LRRC4C: variants seen among roughly 807,000 people sequenced by gnomAD.
LRRC4C encodes the protein leucine-rich repeat-containing protein 4C.
Under a neutral mutation model 33.6 loss-of-function variants are expected in LRRC4C, and 5 were observed. That is an observed-to-expected ratio of 0.15 (90% CI 0.08 to 0.31). LRRC4C has a LOEUF of 0.31. LRRC4C is among the 10% of genes least tolerant of loss of function. The pLI is 1.00. For synonymous variants in LRRC4C, 329 were observed against 302.0 expected (o/e 1.09, Z -0.93); for missense variants, 560 against 796.7 (o/e 0.70, Z 3.58).
chr11:40,338,472 C>T (rs1357930329), intron 3 of LRRC4C, among the ~76,000 whole-genome samples: 1 of 152,138 alleles, frequency 6.6e-6, no homozygotes, highest in Non-Finnish European at 1.5e-5. Context: ...GACTAAAGTT[C>T]TGTTGAATAC....
At chr11:40,586,405 T>G (rs908012933) in intron 3 of LRRC4C, among the ~76,000 whole-genome samples, 2 of 147,574 alleles carry the variant, frequency 1.4e-5, no homozygotes, top group Non-Finnish European at 3.0e-5. Context: ...TTGTGAAAAT[T>G]TTCTCCCATT....
At chr11:40,292,252 G>A (rs1477919249) in intron 4 of LRRC4C, 1 of 152,032 alleles carries the variant, frequency 6.6e-6, no homozygotes, top group Non-Finnish European at 1.5e-5. Context: ...AAGAACAAGA[G>A]AAAACGCATG....
chr11:40,165,362 T>C (rs1859500729), intron 5 of LRRC4C, among the ~76,000 whole-genome samples: 1 of 152,180 alleles, frequency 6.6e-6, no homozygotes, highest in African/African-American at 2.4e-5. Flanking sequence ...TGTGCATCTA[T>C]ATGAGTGGCA....
At chr11:40,288,373 T>A (rs1230262583) in intron 4 of LRRC4C, among the ~76,000 whole-genome samples, 3 of 152,210 alleles carry the variant, frequency 2.0e-5, no homozygotes, top group Admixed American at 1.3e-4. Flanking sequence ...TCACACAGAT[T>A]TCAAATTGTT....
intron 1 of LRRC4C, among the ~76,000 whole-genome samples, chr11:41,166,629 T>A: frequency 6.6e-6 from 1 of 152,188 alleles, no homozygotes; most frequent in East Asian, 1.9e-4. Flanking sequence ...CTTCTCAGAA[T>A]GAAAATCCTG....
intron 3 of LRRC4C, among the ~76,000 whole-genome samples, chr11:40,563,130 T>C (rs1037272889): frequency 1.3e-5 from 2 of 152,116 alleles, no homozygotes; most frequent in African/African-American, 4.8e-5. Flanking sequence ...CAAAGAGTGG[T>C]TTGAGAAAGT....
At chr11:40,436,995 C>T (rs1035912718) in intron 3 of LRRC4C, among the ~76,000 whole-genome samples, 2 of 152,142 alleles carry the variant, frequency 1.3e-5, no homozygotes, top group African/African-American at 2.4e-5. Context: ...TCCACTTTCG[C>T]TCTGGAGCAG....
At chr11:40,385,863 CAAAT>C (rs60952313) in intron 3 of LRRC4C, among the ~76,000 whole-genome samples, 18 of 138,138 alleles carry the variant, frequency 1.3e-4, no homozygotes, top group African/African-American at 3.5e-4. Context: ...GAGACTCTGT[CAAAT>C]AAATAAATAA....
intron 4 of LRRC4C, among the ~76,000 whole-genome samples, chr11:40,260,455 G>C (rs1686359681): frequency 6.7e-6 from 1 of 149,248 alleles, no homozygotes; most frequent in African/African-American, 2.5e-5. Context: ...CCTAATGCTA[G>C]ATGACGAGTT....
chr11:40,979,877 C>A lies in LRRC4C; in HGVS notation c.-495-46154G>T, dbSNP rs573238632. 1.3e-4 allele frequency among the ~76,000 whole-genome samples: 20 copies of A among 152,140 alleles called. No individual in the cohort carries two copies. The East Asian group carries it at 3.5e-3, about 26-fold the overall frequency. Reference sequence around the variant, plus strand: ...TATCTCTGCTTTTCTTGATGTGAATCTTATAGACATATTTTATATTTATCA... The same window carrying A: ...TATCTCTGCTTTTCTTGATGTGAATATTATAGACATATTTTATATTTATCA... On this transcript the variant is annotated intron_variant, in intron 1 of 6. Transcript: ENST00000528697.
At chr11:41,138,684 G>C (rs1235415086) in intron 1 of LRRC4C, among the ~76,000 whole-genome samples, 2 of 152,120 alleles carry the variant, frequency 1.3e-5, no homozygotes, top group African/African-American at 4.8e-5. Context: ...CCAGATGTCA[G>C]CTTTTATGAT....
chr11:41,081,796 C>A (rs1020561053), intron 1 of LRRC4C, among the ~76,000 whole-genome samples: 4 of 152,140 alleles, frequency 2.6e-5, no homozygotes, highest in African/African-American at 9.7e-5. Context: ...TTATTATATT[C>A]TAAAGCTAAG....
intron 1 of LRRC4C, among the ~76,000 whole-genome samples, chr11:41,380,847 T>G (rs1953118747): frequency 6.6e-6 from 1 of 152,128 alleles, no homozygotes; most frequent in Non-Finnish European, 1.5e-5. Context: ...TCTTTCTCTC[T>G]GCAAAAGGAC....
chr11:40,499,749 G>A (rs1190556401), intron 3 of LRRC4C, among the ~76,000 whole-genome samples: 2 of 152,050 alleles, frequency 1.3e-5, no homozygotes, highest in Non-Finnish European at 2.9e-5. Context: ...TGATTTGAAG[G>A]AAAGCCAAAG....
At chr11:40,165,019 A>T (rs923442362) in intron 5 of LRRC4C, among the ~76,000 whole-genome samples, 7 of 152,214 alleles carry the variant, frequency 4.6e-5, no homozygotes, top group African/African-American at 1.7e-4. Flanking sequence ...AAATCTCAGG[A>T]TAATTATACA....
At chr11:41,076,397 A>T (rs557071641) in intron 1 of LRRC4C, among the ~76,000 whole-genome samples, 1 of 152,190 alleles carries the variant, frequency 6.6e-6, no homozygotes, top group East Asian at 1.9e-4. Context: ...ATTTACTTAC[A>T]GTTCTGCAGG....
chr11:40,901,355 C>T lies in LRRC4C; in HGVS notation c.-407+32280G>A, dbSNP rs1423348833. ...AAGGGCTAACAGTGAAATACCAGGG[C>T]CATGTAGCCTGCTTGTTGGTAAAAA... is the stretch of plus-strand genomic sequence containing the variant. On this transcript the variant is annotated intron_variant, in intron 2 of 6. Coordinates refer to ENST00000528697, the MANE Select transcript of LRRC4C (RefSeq NM_001258419.2). Among the ~76,000 whole-genome samples, 3 of 151,992 alleles carry T rather than the reference C, an allele frequency of 2.0e-5. No homozygotes were observed. The South Asian group carries it at 6.2e-4, about 32-fold the overall frequency.
intron 3 of LRRC4C, among the ~76,000 whole-genome samples, chr11:40,427,147 G>T (rs191920996): frequency 7.6e-4 from 115 of 152,106 alleles, no homozygotes; most frequent in Non-Finnish European, 1.4e-3. Flanking sequence ...GTTGGCAAGG[G>T]GCAGAGAATG....
intron 1 of LRRC4C, among the ~76,000 whole-genome samples, chr11:41,302,059 A>G (rs1010495630): frequency 6.6e-6 from 1 of 152,222 alleles, no homozygotes; most frequent in African/African-American, 2.4e-5. Flanking sequence ...GTAATATACA[A>G]TTCACCATTG....
Sources: allele counts gnomAD v4.1 joint callset (sites outside exome capture counted in the v4.1 genomes callset), GRCh38; gene constraint gnomAD v4.1.1; transcripts MANE v1.5; gene names NCBI Gene and HGNC (gene_info 2026-07-23, HGNC 2026-07-21).